The following STRN variants were observed in gnomAD, a reference collection of about 807,000 sequenced individuals.
The protein encoded by STRN is protein phosphatase 2 regulatory subunit B'''alpha.
In STRN, 53 loss-of-function variants were observed where a neutral mutation model predicts 96.3. That is an observed-to-expected ratio of 0.55 (90% CI 0.44 to 0.69). The LOEUF is 0.69. STRN is among the 30% of genes least tolerant of loss of function. STRN has a pLI of 0.00. For missense variants in STRN, 987 were observed against 963.9 expected, an observed-to-expected ratio of 1.02 and a Z score of -0.32; for synonymous variants, 428 against 355.9, an observed-to-expected ratio of 1.20 and a Z score of -2.28.
intron 7 of STRN, among the ~76,000 whole-genome samples, chr2:36,888,923 A>G (rs547399259): frequency 1.3e-5 from 2 of 152,092 alleles, no homozygotes; most frequent in South Asian, 4.2e-4. Context: ...GGCTCAAGCA[A>G]TCTTCCCACC....
chr2:36,877,419 G>T (rs965630375), intron 10 of STRN, among the ~76,000 whole-genome samples: 1 of 152,186 alleles, frequency 6.6e-6, no homozygotes, highest in African/African-American at 2.4e-5. Flanking sequence ...CTAGGTTATG[G>T]AAAAATGTTA....
chr2:36,949,844 G>T (rs1664707362), intron 1 of STRN, among the ~76,000 whole-genome samples: 1 of 152,106 alleles, frequency 6.6e-6, no homozygotes, highest in Non-Finnish European at 1.5e-5. Flanking sequence ...CTGCAAAAAA[G>T]TATCAAGACT....
intron 6 of STRN, among the ~76,000 whole-genome samples, chr2:36,896,323 T>C (rs529166911): frequency 2.0e-5 from 3 of 152,344 alleles, no homozygotes; most frequent in Non-Finnish European, 4.4e-5. Flanking sequence ...ATTACTGTCA[T>C]TGCAGATTAC....
At position 36,857,855 on chromosome 2, in the gene STRN, C is replaced by T; in HGVS notation, c.1837+1G>A. On this transcript the variant is annotated splice_donor_variant, in intron 14 of 17. Coordinates refer to ENST00000263918, the MANE Select transcript of STRN (RefSeq NM_003162.4). LOFTEE classifies it high-confidence loss of function. ...GCAAAATAATTTTTTAAAGTATGTA[C>T]CTTTAGTATCATTAAATACACTTAG... 6.2e-7 allele frequency: 1 copy of T among 1,612,402 alleles called. No homozygotes were observed. The highest frequency in any genetic ancestry group is 8.5e-7 in the Non-Finnish European group (1 of 1,178,916).
At chr2:36,944,175 C>T (rs925294089) in intron 1 of STRN, among the ~76,000 whole-genome samples, 2 of 152,028 alleles carry the variant, frequency 1.3e-5, no homozygotes, top group African/African-American at 4.8e-5. Flanking sequence ...CACTAACAGA[C>T]AGTTGAAAAT....
intron 3 of STRN, among the ~76,000 whole-genome samples, chr2:36,914,453 T>G (rs990665452): frequency 2.6e-5 from 4 of 152,228 alleles, no homozygotes; most frequent in Non-Finnish European, 5.9e-5. Flanking sequence ...GCCTAGATTT[T>G]TTAAAAATTT....
intron 2 of STRN, among the ~76,000 whole-genome samples, chr2:36,923,803 A>G (rs958995911): frequency 3.3e-5 from 5 of 152,346 alleles, no homozygotes; most frequent in East Asian, 1.9e-4. Flanking sequence ...AGCAAAATAG[A>G]TAATTCCAAT....
At chr2:36,877,249 ATTG>A (rs1668938866) in intron 10 of STRN, among the ~76,000 whole-genome samples, 1 of 152,202 alleles carries the variant, frequency 6.6e-6, no homozygotes, top group South Asian at 2.1e-4. Flanking sequence ...CAAGGCAAAT[ATTG>A]TTTAGGTAGG....
chr2:36,871,163 T>C (rs568542972), intron 10 of STRN, among the ~76,000 whole-genome samples: 1 of 152,196 alleles, frequency 6.6e-6, no homozygotes, highest in East Asian at 1.9e-4. Flanking sequence ...CTGAAGAAAA[T>C]TTTTTATATA....
In STRN at chr2:36,839,415, G is replaced by A. The variant is rs1667895421; in HGVS notation, c.*10041C>T. ...AAAGTAGTCTTCTGCTACTCTTGATGTTCATTTTAACCTATTTCTCCTAAA... is the reference window on the plus strand; with the variant it reads ...AAAGTAGTCTTCTGCTACTCTTGATATTCATTTTAACCTATTTCTCCTAAA... On this transcript the variant is annotated 3_prime_UTR_variant, in exon 18 of 18. Coordinates refer to ENST00000263918, the MANE Select transcript of STRN (RefSeq NM_003162.4). Among the ~76,000 whole-genome samples, 1 of 152,170 alleles carries A rather than the reference G, an allele frequency of 6.6e-6. No homozygotes were observed. The highest frequency in any genetic ancestry group is 1.9e-4 in the East Asian group (1 of 5,192).
intron 3 of STRN, among the ~76,000 whole-genome samples, chr2:36,906,795 C>A (rs557708474): frequency 9.5e-4 from 145 of 152,064 alleles, no homozygotes; most frequent in African/African-American, 3.2e-3. Flanking sequence ...GTGGTGGGTG[C>A]CTATAATCCC....
Position 36,966,290 on chromosome 2 carries a change from G to C in STRN, c.174C>G (p.His58Gln), listed in dbSNP as rs948830607. ...TCTCCACCTCGAAGCGGGCCCACTC[G>C]TGCTGCAGGAAGTGCAGGATCCCCG... ...SLPGILHFLQ[H>Q]EWARFEVERA... The change falls in exon 1 of 18, where the codon CAC becomes CAG. Residue 58 changes from histidine (H) to glutamine (Q), a missense_variant. By Grantham distance (24) the His-to-Gln change is conservative. Coordinates refer to ENST00000263918, the MANE Select transcript of STRN (RefSeq NM_003162.4). 5 of 1,580,558 alleles carry C rather than the reference G, an allele frequency of 3.2e-6. No homozygotes were observed. The Middle Eastern group carries it at 6.1e-4, about 193-fold the overall frequency.
chr2:36,896,388 T>C (rs916155603), intron 6 of STRN, among the ~76,000 whole-genome samples: 1 of 152,202 alleles, frequency 6.6e-6, no homozygotes, highest in Non-Finnish European at 1.5e-5. Flanking sequence ...CTGCTTTTAA[T>C]GTTTGGGTAG....
intron 3 of STRN, among the ~76,000 whole-genome samples, chr2:36,914,999 C>T (rs987649113): frequency 1.3e-5 from 2 of 151,614 alleles, no homozygotes; most frequent in South Asian, 2.1e-4. Flanking sequence ...AGATCGAGAC[C>T]ATCCTGGCTA....
chr2:36,918,188 T>C (rs1366772179), intron 2 of STRN, among the ~76,000 whole-genome samples: 1 of 152,166 alleles, frequency 6.6e-6, no homozygotes, highest in Non-Finnish European at 1.5e-5. Context: ...TGTTTGCCCA[T>C]CTAGTTCAAT....
At chr2:36,914,965 G>C (rs374973131) in intron 3 of STRN, among the ~76,000 whole-genome samples, 2 of 151,696 alleles carry the variant, frequency 1.3e-5, no homozygotes, top group African/African-American at 4.8e-5. Flanking sequence ...GGGAGGCCGA[G>C]GGGGGGCGGA....
At chr2:36,896,495 CAT>C (rs572268473) in intron 6 of STRN, among the ~76,000 whole-genome samples, 3 of 152,132 alleles carry the variant, frequency 2.0e-5, no homozygotes, top group African/African-American at 4.8e-5. Context: ...TTCTTCCTGA[CAT>C]AGAAGGTTCC....
At chr2:36,886,571 C>G in intron 8 of STRN, 145 bp downstream of exon 8, 1 of 582,932 alleles carries the variant, frequency 1.7e-6, no homozygotes, top group South Asian at 2.8e-5. Context: ...CATTTAATTT[C>G]AACCCCTGAG....
At chr2:36,919,643 C>T (rs535288882) in intron 2 of STRN, among the ~76,000 whole-genome samples, 1 of 152,160 alleles carries the variant, frequency 6.6e-6, no homozygotes, top group South Asian at 2.1e-4. Flanking sequence ...ACGGATATAA[C>T]AGAATTATCA....
Sources: allele counts gnomAD v4.1 joint callset (sites outside exome capture counted in the v4.1 genomes callset), GRCh38; gene constraint gnomAD v4.1.1; transcripts MANE v1.5; gene names NCBI Gene and HGNC (gene_info 2026-07-23, HGNC 2026-07-21).